Variants in THAP2 observed in about 807,000 individuals in gnomAD.
THAP2 encodes THAP domain-containing protein 2.
A neutral mutation model predicts 18.8 loss-of-function variants in THAP2; 16 were observed. The ratio of observed to expected loss-of-function variants is 0.85; its 90% confidence interval spans 0.58 to 1.29. The LOEUF (loss-of-function observed/expected upper bound fraction) is 1.29. THAP2 is among the 50% of genes most tolerant of loss of function. The pLI is 0.00. For missense variants in THAP2, 251 were observed against 265.3 expected (o/e 0.95, Z 0.38); for synonymous variants, 80 against 89.2 (o/e 0.90, Z 0.58).
chr12:71,674,346 A>C lies in THAP2; in HGVS notation c.215A>C (p.Lys72Thr). Reference protein sequence around the residue: ...FDLTGQTRRLKMDAVPTIFDF... With the variant: ...FDLTGQTRRLTMDAVPTIFDF... ...CTAACAGGACAAACTCGACGACTTA[A>C]AATGGATGCTGTTCCAACCATTTTT... is the stretch of plus-strand genomic sequence containing the variant. The change falls in exon 2 of 3, where the codon AAA (lysine) becomes ACA (threonine). Residue 72 changes from lysine (K) to threonine (T), a missense_variant. By Grantham distance (78) the Lys-to-Thr change is moderately conservative. Transcript: ENST00000308086. 1 of 1,613,244 alleles carries C rather than the reference A, an allele frequency of 6.2e-7. No homozygotes were observed. Among genetic ancestry groups the C allele is most frequent in the Non-Finnish European group, 8.5e-7 (1 of 1,179,364 alleles).
rs1881530929 is a variant in THAP2 at position 71,676,968 on chromosome 12, C to G, written c.547C>G (p.Pro183Ala). 1 of 1,613,636 alleles carries G rather than the reference C, an allele frequency of 6.2e-7. No homozygotes were observed. The highest frequency in any genetic ancestry group is 1.1e-5 in the South Asian group (1 of 91,070). ...GAATTTAGAAGCAAATAGTGTATTA[C>G]CTAAAGGTACATCAGAACACATGTT... ...VKNLEANSVL[P>A]KGTSEHMLPT... Residue 183 changes from proline (P) to alanine (A), a missense_variant, in exon 3 of 3, where the codon CCT becomes GCT. Transcript: ENST00000308086.
rs1001915141 is a variant in THAP2, at chr12:71,679,696, A to C, written c.*2588A>C. 6.6e-6 allele frequency: 1 copy of C among 152,198 alleles called. No individual in the cohort carries two copies. Among genetic ancestry groups the C allele is most frequent in the African/African-American group, 2.4e-5 (1 of 41,462 alleles). The allele number at this position is 152,198 out of a possible 1,614,324, so 9.4% of individuals were successfully genotyped here. A position where few individuals can be genotyped will look rare whatever the true frequency, so the allele number is the denominator to read the frequency against. ...TATAATACAATATGATAAATGCTACAAAAGAAATAGCTGTAAAGTCCTTTG... is the reference window on the plus strand; with the variant it reads ...TATAATACAATATGATAAATGCTACCAAAGAAATAGCTGTAAAGTCCTTTG... On this transcript the variant is annotated 3_prime_UTR_variant, in exon 3 of 3. Transcript: ENST00000308086.
chr12:71,664,859 C>A (rs774299486), intron 1 of THAP2: 2 of 702,472 alleles, frequency 2.8e-6, no homozygotes, highest in Non-Finnish European at 5.2e-6. Flanking sequence ...CTGTTTTATT[C>A]CTCTGTTAGA....
Position 71,674,123 on chromosome 12 carries a change from C to T in THAP2, c.72-80C>T. ...GTAAATGGGACACACTTTTAATCAT[C>T]TTCGAAATTTCTTTTAATCATTTAG... On this transcript the variant is annotated intron_variant, in intron 1 of 2. Transcript: ENST00000308086. 1.5e-6 allele frequency: 2 copies of T among 1,376,560 alleles called. 1 individual carries two copies. The highest frequency in any genetic ancestry group is 1.9e-6 in the Non-Finnish European group (2 of 1,045,134). 85.3% of individuals were successfully genotyped at this position (1,376,560 alleles called of 1,614,324 possible).
intron 1 of THAP2, among the ~76,000 whole-genome samples, chr12:71,669,972 A>ATGC (rs1881407228): frequency 6.6e-6 from 1 of 151,454 alleles, no homozygotes; most frequent in African/African-American, 2.4e-5. Flanking sequence ...AAAAAAAAAA[A>ATGC]ACTCTATTTT....
chr12:71,665,093 A>G, intron 1 of THAP2: 1 of 650,350 alleles, frequency 1.5e-6, no homozygotes, highest in Admixed American at 2.4e-5. Flanking sequence ...TGCAAAAGAT[A>G]ACCTTTCTGT....
At chr12:71,671,219 C>T (rs1881431497) in intron 1 of THAP2, among the ~76,000 whole-genome samples, 1 of 152,142 alleles carries the variant, frequency 6.6e-6, no homozygotes, top group African/African-American at 2.4e-5. Context: ...TGCACCAATC[C>T]TTCTTCCCTG....
intron 1 of THAP2, among the ~76,000 whole-genome samples, chr12:71,672,733 C>T (rs529068209): frequency 6.6e-6 from 1 of 151,174 alleles, no homozygotes; most frequent in Non-Finnish European, 1.5e-5. Context: ...ATATATATAT[C>T]TCAAGCAATT....
intron 1 of THAP2, chr12:71,667,968 A>T (rs918722173): frequency 6.6e-6 from 1 of 152,196 alleles, no homozygotes; most frequent in African/African-American, 2.4e-5. Flanking sequence ...CTTTCATTTT[A>T]ATTTATTTAA....
Position 71,674,250 on chromosome 12 carries a change from G to A in THAP2, c.119G>A (p.Arg40Lys), listed in dbSNP as rs772908805. The change falls in exon 2 of 3, where the codon AGG becomes AAG. Residue 40 changes from arginine to lysine, a missense_variant. Coordinates refer to ENST00000308086, the MANE Select transcript of THAP2 (RefSeq NM_031435.4). Reference sequence around the variant, plus strand: ...AGAAAAGAATGGGTTCGCCTGGTTAGGCGCAAAAATTTTGTGCCAGGAAAA... The same window carrying A: ...AGAAAAGAATGGGTTCGCCTGGTTAAGCGCAAAAATTTTGTGCCAGGAAAA... ...KRRKEWVRLV[R>K]RKNFVPGKHT... 1 of 1,612,284 alleles carries A rather than the reference G, an allele frequency of 6.2e-7. No homozygotes were observed. Among genetic ancestry groups the A allele is most frequent in the Non-Finnish European group, 8.5e-7 (1 of 1,179,114 alleles).
intron 2 of THAP2, among the ~76,000 whole-genome samples, chr12:71,675,670 G>A (rs544334744): frequency 1.3e-5 from 2 of 152,132 alleles, no homozygotes; most frequent in South Asian, 4.2e-4. Context: ...AGACTTATGA[G>A]GATATGATAT....
rs1881540294 is a variant in THAP2, at chr12:71,677,477, T to C, written c.*369T>C. 1 of 155,034 alleles carries C rather than the reference T, an allele frequency of 6.5e-6. No homozygotes were observed. The highest frequency in any genetic ancestry group is 1.4e-5 in the Non-Finnish European group (1 of 69,990). The allele number at this position is 155,034 out of a possible 1,614,324, so 9.6% of individuals were successfully genotyped here. ...TTGGCATATTGCATTCTAAATAAGATGCTAAATAAGAGTTAACCAACATTC... is the reference window on the plus strand; with the variant it reads ...TTGGCATATTGCATTCTAAATAAGACGCTAAATAAGAGTTAACCAACATTC... On this transcript the variant is annotated 3_prime_UTR_variant, in exon 3 of 3. Coordinates refer to ENST00000308086, the MANE Select transcript of THAP2 (RefSeq NM_031435.4).
chr12:71,664,602 G>A, intron 1 of THAP2, 22 bp downstream of exon 1: 1 of 1,613,948 alleles, frequency 6.2e-7, no homozygotes, highest in African/African-American at 1.3e-5. Flanking sequence ...AGGGAGTGGG[G>A]GTGACGGAAA....
chr12:71,674,065 G>A, intron 1 of THAP2, 138 bp from the exon 2 acceptor site: 1 of 785,290 alleles, frequency 1.3e-6, no homozygotes, highest in East Asian at 2.8e-5. Flanking sequence ...TTCTGTTCCA[G>A]TGTCTGGATA....
chr12:71,678,459 G>C lies in THAP2; in HGVS notation c.*1351G>C, dbSNP rs939357831. ...ATCATTGCCACTTGAACAATTAAAG[G>C]GTTTGCTTTATTTCACTAATGTTTA... On this transcript the variant is annotated 3_prime_UTR_variant, in exon 3 of 3. Transcript: ENST00000308086. 6.6e-6 allele frequency: 1 copy of C among 152,464 alleles called. No homozygotes were observed. The highest frequency in any genetic ancestry group is 2.1e-4 in the South Asian group (1 of 4,826). The allele number at this position is 152,464 out of a possible 1,614,324, so 9.4% of individuals were successfully genotyped here.
chr12:71,670,764 C>T (rs999451841), intron 1 of THAP2, among the ~76,000 whole-genome samples: 4 of 151,738 alleles, frequency 2.6e-5, no homozygotes, highest in Admixed American at 6.6e-5. Flanking sequence ...CATGGTGAAA[C>T]CCCGTCTCTA....
At chr12:71,672,976 TCA>T (rs1881466260) in intron 1 of THAP2, among the ~76,000 whole-genome samples, 1 of 152,162 alleles carries the variant, frequency 6.6e-6, no homozygotes, top group Non-Finnish European at 1.5e-5. Flanking sequence ...AAGTGGGTAC[TCA>T]CAGCAGTTAT....
chr12:71,664,646 A>G, intron 1 of THAP2, 66 bp downstream of exon 1: 1 of 1,562,870 alleles, frequency 6.4e-7, no homozygotes, highest in South Asian at 1.1e-5. Flanking sequence ...GCTTGTGTGG[A>G]AGGAACAGGA....
At chr12:71,670,836 G>A (rs1244525829) in intron 1 of THAP2, among the ~76,000 whole-genome samples, 1 of 151,450 alleles carries the variant, frequency 6.6e-6, no homozygotes, top group Non-Finnish European at 1.5e-5. Flanking sequence ...CTACTCAGGA[G>A]GCCGAGGCAG....
Sources: gnomAD v4.1 joint callset for allele counts (sites outside exome capture counted in the v4.1 genomes callset) on GRCh38, gnomAD v4.1.1 for gene constraint, MANE v1.5 for transcripts, NCBI Gene and HGNC (gene_info 2026-07-23, HGNC 2026-07-21) for gene names.